The following HUNK variants were observed in gnomAD, a reference collection of about 807,000 sequenced individuals.
HUNK encodes hormonally up-regulated Neu-associated kinase.
Under a neutral mutation model 61.0 loss-of-function variants are expected in HUNK, and 21 were observed. The ratio of observed to expected loss-of-function variants is 0.34; its 90% CI spans 0.24 to 0.50. The LOEUF (loss-of-function observed/expected upper bound fraction) is 0.50. Ranked by LOEUF, HUNK falls within the 20% of genes least tolerant of loss-of-function variation. HUNK has a pLI of 0.98. For synonymous variants in HUNK, 371 were observed against 386.1 expected (o/e 0.96, Z 0.46); for missense variants, 772 against 945.7 (o/e 0.82, Z 2.41).
chr21:31,929,092 TC>T (rs1163171921), intron 2 of HUNK, among the ~76,000 whole-genome samples: 1 of 152,044 alleles, frequency 6.6e-6, no homozygotes, highest in Non-Finnish European at 1.5e-5. Context: ...AAAATGCAGT[TC>T]CTGATTAGGC....
chr21:31,935,967 T>C (rs539405063), intron 2 of HUNK, among the ~76,000 whole-genome samples: 1 of 152,298 alleles, frequency 6.6e-6, no homozygotes, highest in Non-Finnish European at 1.5e-5. Context: ...TGGCTAATTT[T>C]TGTATTTTTA....
At chr21:31,928,525 A>G (rs1480668788) in intron 2 of HUNK, among the ~76,000 whole-genome samples, 1 of 152,208 alleles carries the variant, frequency 6.6e-6, no homozygotes, top group Non-Finnish European at 1.5e-5. Flanking sequence ...CCTCAGGAAT[A>G]TATTTATAAT....
chr21:31,906,459 G>C (rs1468196833), intron 1 of HUNK, among the ~76,000 whole-genome samples: 1 of 152,060 alleles, frequency 6.6e-6, no homozygotes, highest in Non-Finnish European at 1.5e-5. Flanking sequence ...TTTTGAGAGA[G>C]AATCTCGCTC....
chr21:31,973,889 T>C (rs1447682326), intron 6 of HUNK, among the ~76,000 whole-genome samples: 1 of 152,188 alleles, frequency 6.6e-6, no homozygotes, highest in East Asian at 1.9e-4. Context: ...TGCCATTTTA[T>C]CCCAAGGAGT....
chr21:31,977,803 T>C (rs981700151), intron 7 of HUNK, among the ~76,000 whole-genome samples: 2 of 152,232 alleles, frequency 1.3e-5, no homozygotes, highest in Non-Finnish European at 2.9e-5. Flanking sequence ...GCCATCCTGC[T>C]ATAGTCCCAG....
At chr21:31,892,914 C>T (rs112132952) in intron 1 of HUNK, among the ~76,000 whole-genome samples, 1 of 152,012 alleles carries the variant, frequency 6.6e-6, no homozygotes, top group Non-Finnish European at 1.5e-5. Flanking sequence ...GTTCCTTGGG[C>T]GCATCCTGCC....
chr21:31,889,654 G>C (rs1336085290), intron 1 of HUNK, among the ~76,000 whole-genome samples: 1 of 152,186 alleles, frequency 6.6e-6, no homozygotes, highest in Non-Finnish European at 1.5e-5. Flanking sequence ...GCTAACATTT[G>C]TGAGAAGTAG....
Position 31,946,024 on chromosome 21 carries a change from C to T in HUNK, c.611-12C>T, listed in dbSNP as rs771853330. 6 of 1,573,602 alleles carry T rather than the reference C, an allele frequency of 3.8e-6. No homozygotes were observed. ...CTAATTCGGAGCTTGTTTTGTTCAC[C>T]TCTCTTTGCAGACTTTGGTTTGAGC... On this transcript the variant is annotated splice_polypyrimidine_tract_variant and intron_variant, in intron 3 of 10. Transcript: ENST00000270112.
At chr21:31,970,359 G>C (rs909596580) in intron 6 of HUNK, among the ~76,000 whole-genome samples, 31 of 152,166 alleles carry the variant, frequency 2.0e-4, no homozygotes, top group Admixed American at 1.8e-3. Context: ...TAGAATTCTA[G>C]CATTTGGCTC....
intron 2 of HUNK, among the ~76,000 whole-genome samples, chr21:31,934,262 T>C (rs1005200690): frequency 2.6e-5 from 4 of 151,570 alleles, no homozygotes; most frequent in Non-Finnish European, 5.9e-5. Flanking sequence ...GAGACCACGG[T>C]GAAATCCTGT....
At chr21:31,927,709 G>C (rs2052670583) in intron 2 of HUNK, among the ~76,000 whole-genome samples, 1 of 151,778 alleles carries the variant, frequency 6.6e-6, no homozygotes, top group African/African-American at 2.4e-5. Context: ...TTACTTAATA[G>C]AACTTAGACT....
intron 7 of HUNK, among the ~76,000 whole-genome samples, chr21:31,979,183 A>C (rs573093406): frequency 6.7e-6 from 1 of 149,742 alleles, no homozygotes; most frequent in Admixed American, 6.7e-5. Flanking sequence ...GCTCACTGCA[A>C]CCTCTGCTTA....
At position 31,995,060 on chromosome 21, in the gene HUNK, G is replaced by A. The variant is rs144140212; in HGVS notation, c.1306-708G>A. 5.4e-3 allele frequency among the ~76,000 whole-genome samples: 822 copies of A among 151,562 alleles called. 6 individuals carry two copies. The highest frequency in any genetic ancestry group is 0.019 in the African/African-American group (797 of 41,284). On this transcript the variant is annotated intron_variant, in intron 9 of 10. Coordinates refer to ENST00000270112, the MANE Select transcript of HUNK (RefSeq NM_014586.2). The stretch of plus-strand genomic sequence containing the variant: ...TGTAGTCCCAGCTACTCAGGAGGCT[G>A]AGGTGGGAGGATCACTTGAGCCCAG...
At chr21:31,926,524 G>A (rs2052661231) in intron 2 of HUNK, among the ~76,000 whole-genome samples, 1 of 151,884 alleles carries the variant, frequency 6.6e-6, no homozygotes, top group Non-Finnish European at 1.5e-5. Flanking sequence ...CCCAGCCCTG[G>A]CAACTACTAA....
intron 4 of HUNK, among the ~76,000 whole-genome samples, chr21:31,952,200 A>G (rs962159414): frequency 1.3e-4 from 15 of 117,436 alleles, no homozygotes; most frequent in Non-Finnish European, 2.5e-4. Context: ...TTCCTAGTCT[A>G]CTTTCTTTTT....
intron 3 of HUNK, among the ~76,000 whole-genome samples, chr21:31,941,011 C>T (rs1290927088): frequency 6.6e-6 from 1 of 151,996 alleles, no homozygotes; most frequent in Non-Finnish European, 1.5e-5. Context: ...ACTTTTATGC[C>T]CAAGAAGGAA....
At chr21:31,911,535 C>T (rs1014213387) in intron 1 of HUNK, among the ~76,000 whole-genome samples, 3 of 152,258 alleles carry the variant, frequency 2.0e-5, no homozygotes, top group Non-Finnish European at 4.4e-5. Flanking sequence ...GGGAGTGGCG[C>T]AGGCATCCTC....
chr21:31,898,094 A>G (rs2052437798), intron 1 of HUNK, among the ~76,000 whole-genome samples: 1 of 152,136 alleles, frequency 6.6e-6, no homozygotes, highest in Non-Finnish European at 1.5e-5. Flanking sequence ...CTTGAGGTGC[A>G]AGACCCCCCG....
At chr21:31,952,938 A>G (rs1024223840) in intron 4 of HUNK, among the ~76,000 whole-genome samples, 2 of 152,016 alleles carry the variant, frequency 1.3e-5, no homozygotes, top group Non-Finnish European at 2.9e-5. Flanking sequence ...TGGGAATCCC[A>G]TGTCTGCCAC....
Sources: allele counts gnomAD v4.1 joint callset (sites outside exome capture counted in the v4.1 genomes callset), GRCh38; gene constraint gnomAD v4.1.1; transcripts MANE v1.5; gene names NCBI Gene and HGNC (gene_info 2026-07-23, HGNC 2026-07-21).